The following PRKN variants were observed in gnomAD, a reference collection of about 807,000 sequenced individuals.
PRKN encodes parkin RBR E3 ubiquitin protein ligase, also known as E3 ubiquitin-protein ligase parkin.
In PRKN, 56 loss-of-function variants were observed where a neutral mutation model predicts 59.5. That is an observed-to-expected ratio of 0.94 (90% confidence interval 0.76 to 1.18). PRKN has a LOEUF of 1.18. Ranked by LOEUF, PRKN falls within the 50% of genes most tolerant of loss-of-function variation. The probability of loss-of-function intolerance (pLI) is 0.00; values close to 1 mark genes in which losing one functional copy is unlikely to be tolerated. For synonymous variants in PRKN, 250 were observed against 222.1 expected, an observed-to-expected ratio of 1.13 and a Z score of -1.12; for missense variants, 657 against 596.4, an observed-to-expected ratio of 1.10 and a Z score of -1.06.
At chr6:162,376,494 C>A (rs1786092107) in intron 2 of PRKN, among the ~76,000 whole-genome samples, 1 of 151,494 alleles carries the variant, frequency 6.6e-6, no homozygotes, top group African/African-American at 2.4e-5. Flanking sequence ...AGCCACTGTG[C>A]AAAGATGACC....
intron 4 of PRKN, among the ~76,000 whole-genome samples, chr6:162,068,442 A>G (rs1033521801): frequency 5.3e-5 from 8 of 152,192 alleles, no homozygotes; most frequent in African/African-American, 1.9e-4. Flanking sequence ...TCAGAGTCCC[A>G]TGAGGCCCAG....
At chr6:161,855,008 A>T (rs987543759) in intron 6 of PRKN, among the ~76,000 whole-genome samples, 1 of 148,672 alleles carries the variant, frequency 6.7e-6, no homozygotes, top group Non-Finnish European at 1.5e-5. Flanking sequence ...CCTTGAACCC[A>T]GGAGGTGGAG....
chr6:162,684,372 C>CT (rs1779887532), intron 1 of PRKN, among the ~76,000 whole-genome samples: 1 of 152,146 alleles, frequency 6.6e-6, no homozygotes, highest in Non-Finnish European at 1.5e-5. Flanking sequence ...TTCAATGCCC[C>CT]ATAGCTTTCC....
intron 6 of PRKN, among the ~76,000 whole-genome samples, chr6:161,868,655 G>A (rs1794220847): frequency 6.6e-6 from 1 of 152,110 alleles, no homozygotes; most frequent in African/African-American, 2.4e-5. Context: ...GGCTGTTTGT[G>A]GAGAAGCACA....
chr6:161,586,015 G>C (rs73593498), intron 7 of PRKN, among the ~76,000 whole-genome samples: 4,998 of 151,678 alleles, frequency 0.033, 283 homozygotes, highest in African/African-American at 0.12. Flanking sequence ...TGCCTCAATC[G>C]CTTCTTTTTT....
intron 1 of PRKN, among the ~76,000 whole-genome samples, chr6:162,448,888 T>C (rs113926147): frequency 2.2e-5 from 3 of 138,206 alleles, no homozygotes; most frequent in African/African-American, 2.8e-5. Context: ...TCTCTCTCTC[T>C]CCCTTCCTCT....
chr6:161,631,772 AACACACAC>A (rs147449873), intron 7 of PRKN, among the ~76,000 whole-genome samples: 1 of 150,470 alleles, frequency 6.6e-6, no homozygotes, highest in Non-Finnish European at 1.5e-5. Flanking sequence ...CACCCAGACA[AACACACAC>A]ACACACACAC....
intron 5 of PRKN, among the ~76,000 whole-genome samples, chr6:161,991,584 G>A (rs1366903770): frequency 6.6e-6 from 1 of 152,152 alleles, no homozygotes; most frequent in Non-Finnish European, 1.5e-5. Flanking sequence ...GCTCATGCCT[G>A]TAATCTCAGC....
chr6:161,807,574 G>A (rs569371044), intron 6 of PRKN, among the ~76,000 whole-genome samples: 2 of 152,310 alleles, frequency 1.3e-5, no homozygotes, highest in South Asian at 2.1e-4. Context: ...ACCTGGGAGA[G>A]GAGCCTTTCT....
At chr6:162,136,472 C>T (rs967124136) in intron 4 of PRKN, among the ~76,000 whole-genome samples, 2 of 152,138 alleles carry the variant, frequency 1.3e-5, no homozygotes, top group African/African-American at 4.8e-5. Context: ...CACTGCTAAG[C>T]GATATGTGTT....
chr6:161,626,532 G>GA (rs1232256441), intron 7 of PRKN, among the ~76,000 whole-genome samples: 2 of 152,208 alleles, frequency 1.3e-5, no homozygotes, highest in African/African-American at 4.8e-5. Flanking sequence ...TTGCCAGACT[G>GA]AAAGAACACG....
rs768102678 is a variant in PRKN, at chr6:161,785,786, G to C, written c.857C>G (p.Ser286Cys). The change falls in exon 7 of 12, where the codon TCC becomes TGC. Residue 286 changes from serine (S) to cysteine (C), a missense_variant. Physicochemically the swap from Ser to Cys is moderately radical, Grantham distance 112 (BLOSUM62 -1). Coordinates refer to ENST00000366898, the MANE Select transcript of PRKN (RefSeq NM_004562.3). ...QFVHDPQLGY[S>C]LPCVAGCPNS... is the part of the protein sequence containing the mutation. The stretch of plus-strand genomic sequence containing the variant: ...GCTAGACTTACCCACACAAGGCAGG[G>C]AGTAGCCAAGTTGAGGGTCGTGAAC... The C allele has an allele frequency of 1.9e-6, 3 of 1,614,050 alleles. No homozygotes were observed. The highest frequency in any genetic ancestry group is 2.2e-5 in the South Asian group (2 of 91,044).
chr6:161,824,965 C>A (rs911788012), intron 6 of PRKN, among the ~76,000 whole-genome samples: 1 of 152,060 alleles, frequency 6.6e-6, no homozygotes, highest in Non-Finnish European at 1.5e-5. Flanking sequence ...ATCTTACACA[C>A]CAGAAATAAT....
At chr6:161,384,951 G>A (rs1454931714) in intron 10 of PRKN, among the ~76,000 whole-genome samples, 1 of 152,114 alleles carries the variant, frequency 6.6e-6, no homozygotes, top group Non-Finnish European at 1.5e-5. Context: ...AGGGGGTGGG[G>A]ATGGAGTCTC....
intron 2 of PRKN, among the ~76,000 whole-genome samples, chr6:162,413,665 T>C (rs1788464816): frequency 1.3e-5 from 2 of 152,252 alleles, no homozygotes; most frequent in Non-Finnish European, 2.9e-5. Context: ...CTATTTTCAC[T>C]GGATTTTATT....
At chr6:162,266,298 TTGTGTG>T (rs60841593) in intron 2 of PRKN, among the ~76,000 whole-genome samples, 5,182 of 146,168 alleles carry the variant, frequency 0.035, 251 homozygotes, top group African/African-American at 0.11. Context: ...TACATATATA[TTGTGTG>T]TGTGTGTGTG....
Position 161,373,038 on chromosome 6 carries a change from T to C in PRKN, c.1168-12833A>G, listed in dbSNP as rs994387093. Among the ~76,000 whole-genome samples, 3 of 152,006 alleles carry C rather than the reference T, an allele frequency of 2.0e-5. No individual in the cohort carries two copies. Among genetic ancestry groups the C allele is most frequent in the Non-Finnish European group, 2.9e-5 (2 of 68,012 alleles). On this transcript the variant is annotated intron_variant, in intron 10 of 11. Transcript: ENST00000366898. The surrounding 1 kb of genome is among the most constrained non-coding windows in gnomAD (Gnocchi z 4.8). ...GTTGCCCAGGCTGGTTTCGAATTCT[T>C]AGCTTCAAGTGATCCTCCCACCCTG...
chr6:161,383,730 C>T (rs1786100608), intron 10 of PRKN, among the ~76,000 whole-genome samples: 1 of 152,180 alleles, frequency 6.6e-6, no homozygotes, highest in African/African-American at 2.4e-5. Flanking sequence ...AGGCCCTCAG[C>T]CCTGTGATGG....
rs1467106572 is a variant in PRKN at position 161,402,709 on chromosome 6, A to C, written c.1084-15832T>G. Among the ~76,000 whole-genome samples the C allele has an allele frequency of 6.6e-6, 1 of 152,098 alleles. No homozygotes were observed. On this transcript the variant is annotated intron_variant, in intron 9 of 11. Coordinates refer to ENST00000366898, the MANE Select transcript of PRKN (RefSeq NM_004562.3). The surrounding 1 kb of genome is among the most constrained non-coding windows in gnomAD (Gnocchi z 4.5). ...GGAAGCCTACAGAACTATATCCTAG[A>C]TACAGAAAAGAACAGGGGCTTGGGG...
Sources: gnomAD v4.1 joint callset for allele counts (sites outside exome capture counted in the v4.1 genomes callset) on GRCh38, gnomAD v4.1.1 for gene constraint, Gnocchi (gnomAD v3.1) non-coding constraint, MANE v1.5 for transcripts, NCBI Gene and HGNC (gene_info 2026-07-23, HGNC 2026-07-21) for gene names.